The following SP100 variants were observed in gnomAD, a reference collection of about 807,000 sequenced individuals.
SP100 encodes the protein nuclear autoantigen Sp-100.
A neutral mutation model predicts 130.0 loss-of-function variants in SP100; 84 were observed. The observed-to-expected ratio is 0.65, with a 90% CI of 0.54 to 0.77. The LOEUF is 0.77. SP100 is among the 30% of genes least tolerant of loss of function. The probability of loss-of-function intolerance (pLI) is 0.00; values close to 1 mark genes in which losing one functional copy is unlikely to be tolerated. For synonymous variants in SP100, 331 were observed against 351.7 expected, an observed-to-expected ratio of 0.94 and a Z score of 0.66; for missense variants, 978 against 1,052.2, an observed-to-expected ratio of 0.93 and a Z score of 0.97.
At chr2:230,416,499 T>A (rs1005127967) in intron 1 of SP100, among the ~76,000 whole-genome samples, 171 bp downstream of exon 1, 4 of 152,208 alleles carry the variant, frequency 2.6e-5, no homozygotes, top group Admixed American at 6.5e-5. Context: ...TCAGATTTTT[T>A]AAACAGGAGC....
chr2:230,470,011 G>A lies in SP100; in HGVS notation c.1346-4G>A. On this transcript the variant is annotated splice_region_variant and splice_polypyrimidine_tract_variant and intron_variant, in intron 14 of 28. Transcript: ENST00000340126. ...CTGTTAAGGAATTTTATTTTTTTCT[G>A]CAGGTTTCAGCAGTAGTGACTTTTC... 1.2e-6 allele frequency: 2 copies of A among 1,609,182 alleles called. No individual in the cohort carries two copies. The highest frequency in any genetic ancestry group is 1.7e-6 in the Non-Finnish European group (2 of 1,177,806).
At chr2:230,528,483 C>G (rs1353237632) in intron 24 of SP100, among the ~76,000 whole-genome samples, 1 of 152,146 alleles carries the variant, frequency 6.6e-6, no homozygotes, top group Non-Finnish European at 1.5e-5. Context: ...CAGGAAAGAT[C>G]TGCAATGAAC....
chr2:230,498,399 C>A, intron 18 of SP100, 62 bp from the exon 19 acceptor site: 1 of 987,042 alleles, frequency 1.0e-6, no homozygotes, highest in Non-Finnish European at 1.5e-6. Flanking sequence ...TTTTTGAAAG[C>A]ACTATTATAT....
intron 17 of SP100, 133 bp from the exon 18 acceptor site, chr2:230,494,283 T>C (rs1448103071): frequency 4.3e-6 from 3 of 697,526 alleles, no homozygotes; most frequent in Non-Finnish European, 7.6e-6. Flanking sequence ...GATGGGATGT[T>C]GGTGGCCGAG....
intron 24 of SP100, chr2:230,515,500 G>C (rs1465903242): frequency 3.1e-6 from 5 of 1,612,192 alleles, no homozygotes; most frequent in Non-Finnish European, 3.4e-6. Flanking sequence ...AAAGGATATT[G>C]CTGCATATCG....
chr2:230,443,926 C>T (rs1045043336), intron 3 of SP100, among the ~76,000 whole-genome samples: 3 of 152,230 alleles, frequency 2.0e-5, no homozygotes, highest in African/African-American at 4.8e-5. Flanking sequence ...CCACTTTTAT[C>T]CTTCCAAATT....
intron 24 of SP100, 132 bp from the exon 25 acceptor site, chr2:230,539,135 A>G: frequency 1.7e-6 from 1 of 583,754 alleles, no homozygotes. Flanking sequence ...GTCTTCTGAG[A>G]TCTCCACTCA....
chr2:230,454,211 T>C (rs563662539), intron 8 of SP100, among the ~76,000 whole-genome samples: 10 of 152,294 alleles, frequency 6.6e-5, no homozygotes, highest in Non-Finnish European at 1.2e-4. Flanking sequence ...TAAAGCTTTC[T>C]CAATTTTGTT....
At chr2:230,513,755 G>T (rs562549147) in intron 24 of SP100, among the ~76,000 whole-genome samples, 2 of 152,332 alleles carry the variant, frequency 1.3e-5, no homozygotes, top group African/African-American at 4.8e-5. Flanking sequence ...TGGGAAATCA[G>T]TATTTTGGCC....
At chr2:230,418,702 G>A (rs1284223493) in intron 2 of SP100, among the ~76,000 whole-genome samples, 5 of 152,014 alleles carry the variant, frequency 3.3e-5, no homozygotes, top group East Asian at 1.9e-4. Context: ...TGAGTTCACC[G>A]TTGATTGATT....
chr2:230,530,842 A>T (rs570951270), intron 24 of SP100, among the ~76,000 whole-genome samples: 1 of 152,362 alleles, frequency 6.6e-6, no homozygotes, highest in Non-Finnish European at 1.5e-5. Flanking sequence ...TGGTCATCAG[A>T]AAAATGCAAA....
intron 24 of SP100, among the ~76,000 whole-genome samples, chr2:230,514,796 A>G (rs2150088627): frequency 6.6e-6 from 1 of 152,326 alleles, no homozygotes; most frequent in South Asian, 2.1e-4. Flanking sequence ...TTATCATCAG[A>G]TTGTGTCTGC....
rs544763584 is a variant in SP100 at position 230,466,757 on chromosome 2, C to A, written c.1196-363C>A. 2.0e-5 allele frequency among the ~76,000 whole-genome samples: 3 copies of A among 152,082 alleles called. No homozygotes were observed. In the East Asian group the frequency reaches 5.8e-4, roughly 29 times the overall value. ...TTTCATGGTTGCCCTGAGAGAGAAG[C>A]AAATTTACAAATAAATACAAATCCA... On this transcript the variant is annotated intron_variant, in intron 12 of 28. Coordinates refer to ENST00000340126, the MANE Select transcript of SP100 (RefSeq NM_001080391.2).
rs376675499 is a variant in SP100 at position 230,490,178 on chromosome 2, T to C, written c.1601-4238T>C. Reference sequence around the variant, plus strand: ...CTTGTTTTATGAATCTGGGTGCTCCTGTATTGGGTGCATATATATTTAGAA... The same window carrying C: ...CTTGTTTTATGAATCTGGGTGCTCCCGTATTGGGTGCATATATATTTAGAA... On this transcript the variant is annotated intron_variant, in intron 17 of 28. Transcript: ENST00000340126. 5.9e-5 allele frequency among the ~76,000 whole-genome samples: 9 copies of C among 152,230 alleles called. No homozygotes were observed. In the East Asian group the frequency reaches 1.2e-3, roughly 20 times the overall value.
chr2:230,491,058 A>C (rs935810269), intron 17 of SP100, among the ~76,000 whole-genome samples: 3 of 152,326 alleles, frequency 2.0e-5, no homozygotes, highest in African/African-American at 7.2e-5. Flanking sequence ...GATAATATCC[A>C]GAAGTATGTT....
At chr2:230,451,233 T>G (rs928328356) in intron 8 of SP100, among the ~76,000 whole-genome samples, 1 of 152,276 alleles carries the variant, frequency 6.6e-6, no homozygotes, top group Non-Finnish European at 1.5e-5. Flanking sequence ...TCTTAGTGAT[T>G]GTAGCAATTT....
intron 24 of SP100, chr2:230,538,040 G>C (rs1329277751): frequency 6.6e-6 from 1 of 152,150 alleles, no homozygotes; most frequent in African/African-American, 2.4e-5. Context: ...CTCAACTATT[G>C]ACTGCACATT....
intron 20 of SP100, 59 bp downstream of exon 20, chr2:230,503,169 T>C: frequency 8.0e-7 from 1 of 1,248,886 alleles, no homozygotes; most frequent in Admixed American, 2.0e-5. Flanking sequence ...TAATATTCTG[T>C]ACTGTGAGTA....
At chr2:230,535,588 G>T in intron 24 of SP100, among the ~76,000 whole-genome samples, 1 of 151,932 alleles carries the variant, frequency 6.6e-6, no homozygotes, top group African/African-American at 2.4e-5. Flanking sequence ...TTAATTCATG[G>T]CAATGTGTTT....
Sources: gnomAD v4.1 joint callset for allele counts (sites outside exome capture counted in the v4.1 genomes callset) on GRCh38, gnomAD v4.1.1 for gene constraint, MANE v1.5 for transcripts, NCBI Gene and HGNC (gene_info 2026-07-23, HGNC 2026-07-21) for gene names.